The following LARGE1 variants were observed in gnomAD, a reference collection of about 807,000 sequenced individuals.
LARGE1 encodes the protein xylosyl- and glucuronyltransferase LARGE1.
Under a neutral mutation model 87.6 loss-of-function variants are expected in LARGE1, and 43 were observed. That is an observed-to-expected ratio of 0.49 (90% CI 0.38 to 0.63). The LOEUF is 0.63. Ranked by LOEUF, LARGE1 falls within the 30% of genes least tolerant of loss-of-function variation. The pLI, the probability that LARGE1 is intolerant of heterozygous loss-of-function variation, is 0.00. For missense variants in LARGE1, 802 were observed against 1,000.2 expected (o/e 0.80, Z 2.67); for synonymous variants, 434 against 394.6 (o/e 1.10, Z -1.18).
At chr22:33,134,311 T>G in the LARGE1 span, among the ~76,000 whole-genome samples, 1 of 147,394 alleles carries the variant, frequency 6.8e-6, no homozygotes, top group Non-Finnish European at 1.5e-5. Flanking sequence ...CAGGCTTGAG[T>G]GCAGTGGTGC....
intron 6 of LARGE1, among the ~76,000 whole-genome samples, chr22:33,447,141 G>A (rs983630259): frequency 2.0e-5 from 3 of 152,292 alleles, no homozygotes; most frequent in South Asian, 2.1e-4. Context: ...TGATCCACCC[G>A]TCTTGGCCTC....
At chr22:33,195,214 C>A (rs2146199672) in intron 11 of LARGE1, among the ~76,000 whole-genome samples, 1 of 152,154 alleles carries the variant, frequency 6.6e-6, no homozygotes, top group Middle Eastern at 3.4e-3. Flanking sequence ...AACTATATAT[C>A]TCCAAAAGGG....
chr22:33,176,974 G>A (rs138864141), intron 11 of LARGE1, among the ~76,000 whole-genome samples: 101 of 152,284 alleles, frequency 6.6e-4, no homozygotes, highest in African/African-American at 2.3e-3. Context: ...ATACTATGCA[G>A]CCATAAAAAA....
chr22:33,744,651 G>C (rs1240032854), intron 2 of LARGE1, among the ~76,000 whole-genome samples: 1 of 152,228 alleles, frequency 6.6e-6, no homozygotes, highest in Non-Finnish European at 1.5e-5. Context: ...GACACACTTG[G>C]ACTTCTGGAT....
At chr22:33,141,403 C>T in the LARGE1 span, among the ~76,000 whole-genome samples, 8 of 152,042 alleles carry the variant, frequency 5.3e-5, no homozygotes, top group South Asian at 2.1e-4. Context: ...AATATGAAGA[C>T]GAAGTATATG....
chr22:33,413,728 G>C (rs908937042), intron 7 of LARGE1, among the ~76,000 whole-genome samples: 3 of 152,008 alleles, frequency 2.0e-5, no homozygotes, highest in South Asian at 2.1e-4. Context: ...GCCTCCCAAA[G>C]TGCTGGGATT....
chr22:33,737,642 G>T (rs1286886192), intron 2 of LARGE1: 1 of 152,228 alleles, frequency 6.6e-6, no homozygotes, highest in Non-Finnish European at 1.5e-5. Context: ...GAGGCCTCCA[G>T]GAGCAAAGAG....
At chr22:33,818,784 C>G (rs946622452) in intron 1 of LARGE1, among the ~76,000 whole-genome samples, 2 of 152,078 alleles carry the variant, frequency 1.3e-5, no homozygotes, top group Admixed American at 6.6e-5. Context: ...CACCCAAGGA[C>G]CAGGGAGCCC....
At chr22:33,309,788 C>T (rs1602349477) in intron 11 of LARGE1, among the ~76,000 whole-genome samples, 1 of 152,102 alleles carries the variant, frequency 6.6e-6, no homozygotes, top group East Asian at 1.9e-4. Context: ...CAGGAAGAAA[C>T]AGGACCAGTG....
chr22:33,551,383 T>C (rs1261085728), intron 6 of LARGE1, among the ~76,000 whole-genome samples: 1 of 152,196 alleles, frequency 6.6e-6, no homozygotes, highest in African/African-American at 2.4e-5. Flanking sequence ...TCAGCTACCC[T>C]CCTCTCCATG....
the LARGE1 span, among the ~76,000 whole-genome samples, chr22:33,141,200 A>T: frequency 1.5e-4 from 22 of 149,602 alleles, no homozygotes; most frequent in Middle Eastern, 3.2e-3. Context: ...TCTCTCACAC[A>T]CACACACACA....
chr22:33,846,320 T>C (rs1275869592), intron 1 of LARGE1, among the ~76,000 whole-genome samples: 1 of 152,262 alleles, frequency 6.6e-6, no homozygotes, highest in East Asian at 1.9e-4. Flanking sequence ...ATTGTGAAGA[T>C]TTCTTGGACA....
chr22:33,537,528 AAT>A (rs1478098208), intron 6 of LARGE1, among the ~76,000 whole-genome samples: 1 of 152,128 alleles, frequency 6.6e-6, no homozygotes, highest in African/African-American at 2.4e-5. Flanking sequence ...CCATTAACTT[AAT>A]CGCTTATGTA....
At chr22:33,795,654 C>T (rs8139093) in intron 1 of LARGE1, among the ~76,000 whole-genome samples, 34 of 152,138 alleles carry the variant, frequency 2.2e-4, no homozygotes, top group African/African-American at 7.7e-4. Context: ...ATGTAGCACA[C>T]ATACACCATG....
chr22:33,413,722 C>T (rs928955070), intron 7 of LARGE1, among the ~76,000 whole-genome samples: 6 of 152,064 alleles, frequency 3.9e-5, no homozygotes, highest in Non-Finnish European at 2.9e-5. Context: ...GCCTCGGCCT[C>T]CCAAAGTGCT....
chr22:33,907,173 T>A (rs907399323), intron 1 of LARGE1, among the ~76,000 whole-genome samples: 2 of 152,186 alleles, frequency 1.3e-5, no homozygotes, highest in Non-Finnish European at 2.9e-5. Context: ...AACCTTCTGA[T>A]AAGCCCAGGG....
intron 3 of LARGE1, among the ~76,000 whole-genome samples, chr22:33,629,878 G>A (rs1004023811): frequency 2.0e-5 from 3 of 152,118 alleles, no homozygotes; most frequent in Admixed American, 6.5e-5. Flanking sequence ...GACCCGCCTG[G>A]CCAACATGGT....
chr22:33,646,885 G>T (rs762702986), intron 3 of LARGE1, among the ~76,000 whole-genome samples: 17 of 152,064 alleles, frequency 1.1e-4, no homozygotes, highest in Non-Finnish European at 2.4e-4. Context: ...CCTCCACCAC[G>T]CCCAGCTATT....
chr22:33,745,622 G>A (rs1335241602), intron 2 of LARGE1, among the ~76,000 whole-genome samples: 1 of 152,196 alleles, frequency 6.6e-6, no homozygotes, highest in Non-Finnish European at 1.5e-5. Flanking sequence ...ACAGCTTCTA[G>A]GAAAGGAAAG....
Sources: allele counts gnomAD v4.1 joint callset (sites outside exome capture counted in the v4.1 genomes callset), GRCh38; gene constraint gnomAD v4.1.1; transcripts MANE v1.5; gene names NCBI Gene and HGNC (gene_info 2026-07-23, HGNC 2026-07-21).